DLGAP2: variants seen among roughly 807,000 people sequenced by gnomAD.
The protein encoded by DLGAP2 is disks large-associated protein 2.
Under a neutral mutation model 100.3 loss-of-function variants are expected in DLGAP2, and 26 were observed. The ratio of observed to expected loss-of-function variants is 0.26; its 90% confidence interval spans 0.19 to 0.36. The LOEUF (loss-of-function observed/expected upper bound fraction) is 0.36. Among genes scored for constraint, DLGAP2 ranks in the 10% least tolerant of loss-of-function variants. DLGAP2 has a pLI of 1.00. For synonymous variants in DLGAP2, 886 were observed against 630.1 expected, an observed-to-expected ratio of 1.41 and a Z score of -6.08; for missense variants, 1,858 against 1,453.2, an observed-to-expected ratio of 1.28 and a Z score of -4.53.
intron 1 of DLGAP2, chr8:822,286 C>G (rs191589911): frequency 5.0e-6 from 2 of 399,090 alleles, no homozygotes; most frequent in South Asian, 1.3e-4. Flanking sequence ...GGGTGCTCCA[C>G]CCGGGGAGGG....
At chr8:1,606,302 A>G (rs1796797150) in intron 6 of DLGAP2, among the ~76,000 whole-genome samples, 2 of 152,212 alleles carry the variant, frequency 1.3e-5, no homozygotes, top group African/African-American at 4.8e-5. Context: ...CTTGAAGTAC[A>G]ATTCAGTGGT....
chr8:1,103,172 G>C (rs1230012840), intron 2 of DLGAP2, among the ~76,000 whole-genome samples: 1 of 152,168 alleles, frequency 6.6e-6, no homozygotes, highest in Non-Finnish European at 1.5e-5. Flanking sequence ...GTGGCCGTGA[G>C]TCCCGGTGGC....
chr8:745,636 G>A (rs561857160), intron 1 of DLGAP2, among the ~76,000 whole-genome samples: 6 of 152,214 alleles, frequency 3.9e-5, no homozygotes, highest in Admixed American at 3.9e-4. Flanking sequence ...CTAAGTGGAT[G>A]TTCCCTCCAG....
intron 2 of DLGAP2, among the ~76,000 whole-genome samples, chr8:1,118,229 T>C (rs1436212641): frequency 2.6e-5 from 4 of 152,184 alleles, no homozygotes; most frequent in Non-Finnish European, 4.4e-5. Flanking sequence ...TGAAGTCCCT[T>C]ATGTAAGTAG....
chr8:1,195,266 C>A (rs369742089), intron 2 of DLGAP2, among the ~76,000 whole-genome samples: 9 of 152,322 alleles, frequency 5.9e-5, no homozygotes, highest in East Asian at 1.9e-4. Flanking sequence ...CTCCCGCTGG[C>A]CAAGCACCCA....
At chr8:779,894 T>G (rs544705795) in intron 1 of DLGAP2, among the ~76,000 whole-genome samples, 1 of 152,326 alleles carries the variant, frequency 6.6e-6, no homozygotes, top group African/African-American at 2.4e-5. Context: ...AAATAATCAC[T>G]GTATACTTAT....
At chr8:1,410,847 T>C (rs1796710852) in intron 3 of DLGAP2, among the ~76,000 whole-genome samples, 1 of 152,120 alleles carries the variant, frequency 6.6e-6, no homozygotes, top group South Asian at 2.1e-4. Context: ...TTTTTTTTTT[T>C]TTTTAAACTT....
At chr8:1,507,550 G>A (rs1799971268) in intron 4 of DLGAP2, among the ~76,000 whole-genome samples, 2 of 152,202 alleles carry the variant, frequency 1.3e-5, no homozygotes, top group African/African-American at 2.4e-5. Flanking sequence ...CTCCGGCCTC[G>A]GCCAGCCCCC....
chr8:1,234,110 G>A (rs62486945), intron 2 of DLGAP2, among the ~76,000 whole-genome samples: 16,712 of 152,200 alleles, frequency 0.11, 1,046 homozygotes, highest in South Asian at 0.17. Flanking sequence ...ATTGTAGCCT[G>A]TTGCTATAAA....
chr8:1,634,376 A>G (rs1797720683), intron 8 of DLGAP2, among the ~76,000 whole-genome samples: 1 of 152,150 alleles, frequency 6.6e-6, no homozygotes, highest in Non-Finnish European at 1.5e-5. Context: ...GGCTTTCTGT[A>G]CGAGGGAGGG....
intron 3 of DLGAP2, among the ~76,000 whole-genome samples, chr8:1,308,443 G>T (rs532050287): frequency 6.6e-6 from 1 of 152,166 alleles, no homozygotes; most frequent in African/African-American, 2.4e-5. Flanking sequence ...ATATCCAAGT[G>T]TCCAGTTTTC....
Position 1,659,545 on chromosome 8 carries a change from A to G in DLGAP2, c.1811-8784A>G, listed in dbSNP as rs182288966. On this transcript the variant is annotated intron_variant, in intron 8 of 14. Coordinates refer to ENST00000637795, the MANE Select transcript of DLGAP2 (RefSeq NM_001346810.2). ...GTGCTCCTGTATTGGGTGTGTATAT[A>G]TTTAGGATAGTTAGCTCTTCTTGTT... 4.0e-3 allele frequency among the ~76,000 whole-genome samples: 614 copies of G among 152,246 alleles called. 4 individuals are homozygous for G. The highest frequency in any genetic ancestry group is 0.014 in the African/African-American group (570 of 41,546).
intron 2 of DLGAP2, among the ~76,000 whole-genome samples, chr8:982,027 C>G (rs1800346027): frequency 6.6e-6 from 1 of 152,208 alleles, no homozygotes; most frequent in Admixed American, 6.5e-5. Context: ...GCTCCTCCAC[C>G]TTTAAACTTG....
At chr8:1,343,848 C>T (rs1238782383) in intron 3 of DLGAP2, among the ~76,000 whole-genome samples, 2 of 152,124 alleles carry the variant, frequency 1.3e-5, no homozygotes, top group African/African-American at 4.8e-5. Context: ...GCAGATGATG[C>T]TCCAATTCCA....
chr8:1,509,942 C>T (rs1260303271), intron 4 of DLGAP2, among the ~76,000 whole-genome samples: 2 of 152,188 alleles, frequency 1.3e-5, no homozygotes, highest in East Asian at 1.9e-4. Flanking sequence ...GACGCGGCCG[C>T]GGAGAGGAGT....
At chr8:1,457,975 C>CACATATATATAT (rs1798362941) in intron 3 of DLGAP2, among the ~76,000 whole-genome samples, 1 of 107,768 alleles carries the variant, frequency 9.3e-6, no homozygotes, top group East Asian at 2.3e-4. Flanking sequence ...GTTCTCTGAT[C>CACATATATATAT]ATATATATAT....
intron 3 of DLGAP2, among the ~76,000 whole-genome samples, chr8:1,458,219 C>G (rs995647818): frequency 6.6e-6 from 1 of 151,756 alleles, no homozygotes; most frequent in Non-Finnish European, 1.5e-5. Flanking sequence ...GTTGTCTGAT[C>G]TTAATAAGAT....
chr8:770,178 T>G (rs1821321024), intron 1 of DLGAP2, among the ~76,000 whole-genome samples: 1 of 152,166 alleles, frequency 6.6e-6, no homozygotes, highest in Admixed American at 6.5e-5. Context: ...CACAGCACAG[T>G]GTTGCTACAA....
At chr8:955,675 T>C (rs754597383) in intron 2 of DLGAP2, among the ~76,000 whole-genome samples, 7 of 152,222 alleles carry the variant, frequency 4.6e-5, no homozygotes, top group Non-Finnish European at 1.0e-4. Flanking sequence ...TTTCACTTAA[T>C]GTTCCAGATA....
Sources: allele counts gnomAD v4.1 joint callset (sites outside exome capture counted in the v4.1 genomes callset), GRCh38; gene constraint gnomAD v4.1.1; transcripts MANE v1.5; gene names NCBI Gene and HGNC (gene_info 2026-07-23, HGNC 2026-07-21).